The following NPAS3 variants were observed in gnomAD, a reference collection of about 807,000 sequenced individuals.
The protein encoded by NPAS3 is neuronal PAS domain-containing protein 3.
A neutral mutation model predicts 73.1 loss-of-function variants in NPAS3; 14 were observed. That is an observed-to-expected ratio of 0.19 (90% CI 0.13 to 0.30). The LOEUF (loss-of-function observed/expected upper bound fraction) is 0.30, where lower values mean the gene tolerates loss of function less well. Among genes scored for constraint, NPAS3 ranks in the 10% least tolerant of loss-of-function variants. The pLI, the probability that NPAS3 is intolerant of heterozygous loss-of-function variation, is 1.00. For synonymous variants in NPAS3, 620 were observed against 541.5 expected (o/e 1.14, Z -2.01); for missense variants, 1,096 against 1,250.0 (o/e 0.88, Z 1.86).
intron 3 of NPAS3, among the ~76,000 whole-genome samples, chr14:33,266,846 G>A (rs2040839355): frequency 6.6e-6 from 1 of 152,166 alleles, no homozygotes; most frequent in Non-Finnish European, 1.5e-5. Context: ...CCTGGGTATT[G>A]TCAACAGCTC....
At chr14:33,769,562 A>G (rs910888827) in intron 7 of NPAS3, among the ~76,000 whole-genome samples, 1 of 152,138 alleles carries the variant, frequency 6.6e-6, no homozygotes, top group Non-Finnish European at 1.5e-5. Flanking sequence ...TCCTGGATCC[A>G]TTCAGCTGAA....
At chr14:33,202,433 T>C (rs1304035816) in intron 2 of NPAS3, among the ~76,000 whole-genome samples, 1 of 152,034 alleles carries the variant, frequency 6.6e-6, no homozygotes, top group Non-Finnish European at 1.5e-5. Context: ...GTTACCGATA[T>C]TTGTCATCCT....
intron 2 of NPAS3, among the ~76,000 whole-genome samples, chr14:33,060,232 A>C (rs1409301467): frequency 6.6e-6 from 1 of 152,228 alleles, no homozygotes; most frequent in East Asian, 1.9e-4. Context: ...TGTAGCTTCA[A>C]AACTTAAGTT....
At chr14:33,180,830 C>T (rs1288873584) in intron 2 of NPAS3, among the ~76,000 whole-genome samples, 1 of 137,174 alleles carries the variant, frequency 7.3e-6, no homozygotes, top group Non-Finnish European at 1.6e-5. Flanking sequence ...AAAAAAGACA[C>T]GGTAGGGGTG....
chr14:33,146,126 A>G (rs975721131), intron 2 of NPAS3, among the ~76,000 whole-genome samples: 3 of 152,144 alleles, frequency 2.0e-5, no homozygotes, highest in Non-Finnish European at 4.4e-5. Flanking sequence ...ATAATAAGGG[A>G]AGATGGGAAA....
intron 3 of NPAS3, among the ~76,000 whole-genome samples, chr14:33,363,114 A>G (rs912976603): frequency 2.0e-5 from 3 of 152,130 alleles, no homozygotes; most frequent in Admixed American, 2.0e-4. Context: ...GGGTTCTTCC[A>G]TGGCAAGCTG....
chr14:32,959,767 T>C (rs920528400), intron 1 of NPAS3, among the ~76,000 whole-genome samples: 5 of 152,104 alleles, frequency 3.3e-5, no homozygotes, highest in African/African-American at 1.2e-4. Flanking sequence ...TATTTTTGGG[T>C]TTATTGAGAG....
At chr14:33,529,300 A>T (rs563309937) in intron 4 of NPAS3, among the ~76,000 whole-genome samples, 1 of 152,226 alleles carries the variant, frequency 6.6e-6, no homozygotes, top group East Asian at 1.9e-4. Context: ...CTAGGAAGAA[A>T]ACTAAAGATG....
chr14:33,543,964 T>TCAGGA (rs2054641460), intron 4 of NPAS3, among the ~76,000 whole-genome samples: 1 of 26,942 alleles, frequency 3.7e-5, no homozygotes, highest in African/African-American at 4.1e-4. Context: ...TATATATATA[T>TCAGGA]ATATATATAT....
At chr14:33,575,770 T>A (rs2056408881) in intron 5 of NPAS3, among the ~76,000 whole-genome samples, 1 of 152,228 alleles carries the variant, frequency 6.6e-6, no homozygotes, top group East Asian at 1.9e-4. Context: ...GTTTAATAAT[T>A]GTAACTAGAC....
chr14:33,518,126 C>T (rs1250389153), intron 4 of NPAS3, among the ~76,000 whole-genome samples: 1 of 152,100 alleles, frequency 6.6e-6, no homozygotes, highest in East Asian at 1.9e-4. Flanking sequence ...TATGACATAT[C>T]AAATACCAAT....
chr14:33,379,662 T>C (rs1031990178), intron 4 of NPAS3, among the ~76,000 whole-genome samples: 1 of 152,146 alleles, frequency 6.6e-6, no homozygotes, highest in Non-Finnish European at 1.5e-5. Context: ...GCAAGCCTTT[T>C]AGACTCATTT....
intron 2 of NPAS3, among the ~76,000 whole-genome samples, chr14:33,070,912 C>T (rs1048670477): frequency 6.6e-6 from 1 of 152,156 alleles, no homozygotes; most frequent in African/African-American, 2.4e-5. Context: ...ACACTGGGTG[C>T]TTTTACCTTT....
intron 4 of NPAS3, among the ~76,000 whole-genome samples, chr14:33,552,358 A>G (rs2055158701): frequency 6.6e-6 from 1 of 152,192 alleles, no homozygotes; most frequent in South Asian, 2.1e-4. Flanking sequence ...TGAGCAATGT[A>G]CTTAAATGCT....
chr14:33,180,870 T>C (rs1566647077), intron 2 of NPAS3, among the ~76,000 whole-genome samples: 5 of 148,198 alleles, frequency 3.4e-5, no homozygotes, highest in South Asian at 2.1e-4. Flanking sequence ...TCAGTAGTGA[T>C]GACAGATTGA....
chr14:33,801,264 G>C, downstream of NPAS3: 6 of 1,398,422 alleles, frequency 4.3e-6, no homozygotes, highest in Admixed American at 2.8e-5. Context: ...TCTTTCACCT[G>C]ACTTATTCTT....
At chr14:33,516,243 C>T (rs2053291264) in intron 4 of NPAS3, among the ~76,000 whole-genome samples, 1 of 152,088 alleles carries the variant, frequency 6.6e-6, no homozygotes, top group Non-Finnish European at 1.5e-5. Flanking sequence ...TGGTACTAAA[C>T]TTAAGATCAT....
rs948779261 is a variant in NPAS3, at chr14:33,543,306, A to G, written c.469-16815A>G. ...AATAATCCAGAATCAGTATAAACCC[A>G]TTATACTGCTAGTATGTTTAAGTAG... On this transcript the variant is annotated intron_variant, in intron 4 of 11. Transcript: ENST00000356141. Among the ~76,000 whole-genome samples the G allele has an allele frequency of 2.6e-5, 4 of 152,172 alleles. No homozygotes were observed. In the East Asian group the frequency reaches 7.7e-4, roughly 29 times the overall value.
At chr14:32,962,186 T>A (rs1032102872) in intron 1 of NPAS3, among the ~76,000 whole-genome samples, 15 of 152,186 alleles carry the variant, frequency 9.9e-5, no homozygotes, top group Non-Finnish European at 2.2e-4. Flanking sequence ...GTGGGTGATA[T>A]TTTGAAGAAT....
Sources: allele counts gnomAD v4.1 joint callset (sites outside exome capture counted in the v4.1 genomes callset), GRCh38; gene constraint gnomAD v4.1.1; transcripts MANE v1.5; gene names NCBI Gene and HGNC (gene_info 2026-07-23, HGNC 2026-07-21).